SF3B1: variants seen among roughly 807,000 people sequenced by gnomAD.
SF3B1 encodes pre-mRNA processing 10.
Under a neutral mutation model 153.8 loss-of-function variants are expected in SF3B1, and 12 were observed. The ratio of observed to expected loss-of-function variants is 0.08; its 90% CI spans 0.05 to 0.13. SF3B1 has a LOEUF of 0.13. SF3B1 is among the 10% of genes least tolerant of loss of function. The pLI is 1.00. For missense variants in SF3B1, 513 were observed against 1,606.1 expected (o/e 0.32, Z 11.63); for synonymous variants, 498 against 525.2 (o/e 0.95, Z 0.71).
At chr2:197,421,154 A>G in intron 2 of SF3B1, 21 bp from the exon 3 acceptor site, 1 of 1,484,826 alleles carries the variant, frequency 6.7e-7, no homozygotes, top group Non-Finnish European at 9.4e-7. Context: ...AACCCCCCAA[A>G]AAGCCATAAA....
intron 1 of SF3B1, among the ~76,000 whole-genome samples, chr2:197,432,377 A>C (rs1365344318): frequency 2.0e-5 from 3 of 152,262 alleles, no homozygotes; most frequent in Non-Finnish European, 2.9e-5. Flanking sequence ...CAGTATCTGA[A>C]GAACTGCTGG....
At chr2:197,418,368 G>T in intron 5 of SF3B1, 141 bp downstream of exon 5, 1 of 556,150 alleles carries the variant, frequency 1.8e-6, no homozygotes, top group East Asian at 3.2e-5. Context: ...TATAATTTGG[G>T]GGTAAGATTC....
chr2:197,411,805 A>G (rs188578354), intron 6 of SF3B1, among the ~76,000 whole-genome samples: 194 of 152,152 alleles, frequency 1.3e-3, no homozygotes, highest in African/African-American at 4.6e-3. Context: ...CCTTAAAAAC[A>G]TACTACTCAG....
At position 197,423,214 on chromosome 2, in the gene SF3B1, CCA is replaced by C. The variant is rs553996278; in HGVS notation, c.195+592_195+593del. On this transcript the variant is annotated intron_variant, in intron 2 of 24. Transcript: ENST00000335508. Reference sequence around the variant, plus strand: ...CCAGCCTGGCCAACATGGCAAAACCCCATCTCTACTAAAAATACAAAAATTAG... The same window carrying C: ...CCAGCCTGGCCAACATGGCAAAACCCTCTCTACTAAAAATACAAAAATTAG... 6.6e-5 allele frequency among the ~76,000 whole-genome samples: 10 copies of C among 151,990 alleles called. No homozygotes were observed. The East Asian group carries it at 1.9e-3, about 30-fold the overall frequency.
At position 197,416,931 on chromosome 2, in the gene SF3B1, T is replaced by C; in HGVS notation, c.496-20A>G. 1 of 1,601,168 alleles carries C rather than the reference T, an allele frequency of 6.2e-7. No homozygotes were observed. Among genetic ancestry groups the C allele is most frequent in the Non-Finnish European group, 8.5e-7 (1 of 1,172,200 alleles). Reference sequence around the variant, plus strand: ...TTCTCGCTGAAAAAAACAGTGAGTATTTACCTTTAAAATGCTTTCAATGTA... The same window carrying C: ...TTCTCGCTGAAAAAAACAGTGAGTACTTACCTTTAAAATGCTTTCAATGTA... On this transcript the variant is annotated intron_variant, in intron 5 of 24. Transcript: ENST00000335508.
At position 197,398,597 on chromosome 2, in the gene SF3B1, CAAT is replaced by C. The variant is rs754120209; in HGVS notation, c.3014-19_3014-17del. On this transcript the variant is annotated splice_polypyrimidine_tract_variant and intron_variant, in intron 20 of 24. Transcript: ENST00000335508. ...TTATGCATACCTATTTAATAGAAGT[CAAT>C]AAACTATCAACATTTGAATTGCAAC... 10 of 1,607,206 alleles carry C rather than the reference CAAT, an allele frequency of 6.2e-6. No individual in the cohort carries two copies. The Admixed American group carries it at 1.7e-4, about 28-fold the overall frequency.
chr2:197,424,094 T>C (rs2085292114), intron 1 of SF3B1, 120 bp from the exon 2 acceptor site: 1 of 846,148 alleles, frequency 1.2e-6, no homozygotes, highest in African/African-American at 1.7e-5. Context: ...TGTACAATAA[T>C]TGCACCATAT....
rs370698394 is a variant in SF3B1 at position 197,400,221 on chromosome 2, G to C, written c.2901+31C>G. 4 of 1,610,886 alleles carry C rather than the reference G, an allele frequency of 2.5e-6. No homozygotes were observed. The East Asian group carries it at 8.9e-5, about 36-fold the overall frequency. On this transcript the variant is annotated intron_variant, in intron 19 of 24. Transcript: ENST00000335508. This position sits in a 1 kb window ranked among gnomAD's most constrained non-coding sequence, Gnocchi z 5.0. ...TACTATTTACATTAAACTATTTGGGGAAGAAGTAAGAATTTGATGCAAAAG... is the reference window on the plus strand; with the variant it reads ...TACTATTTACATTAAACTATTTGGGCAAGAAGTAAGAATTTGATGCAAAAG...
At chr2:197,405,248 T>C in intron 10 of SF3B1, 27 bp downstream of exon 10, 2 of 1,596,476 alleles carry the variant, frequency 1.3e-6, no homozygotes, top group African/African-American at 1.3e-5. Flanking sequence ...ACACAATTAA[T>C]AGTTTATTTC....
chr2:197,400,672 AAT>A lies in SF3B1; in HGVS notation c.2718+41_2718+42del, dbSNP rs2084929334. The A allele has an allele frequency of 7.1e-7, 1 of 1,404,420 alleles. No homozygotes were observed. Among genetic ancestry groups the A allele is most frequent in the South Asian group, 1.2e-5 (1 of 80,636 alleles). The allele number at this position is 1,404,420 out of a possible 1,614,324, so 87.0% of individuals were successfully genotyped here. On this transcript the variant is annotated intron_variant, in intron 18 of 24. Transcript: ENST00000335508. This position sits in a 1 kb window ranked among gnomAD's most constrained non-coding sequence, Gnocchi z 5.0. ...TTGACAACTAATATGCTTTTCTACA[AAT>A]ATTAAAGTTAGTAGCAATGTGCCAT...
chr2:197,407,529 T>C (rs2085010104), intron 9 of SF3B1, among the ~76,000 whole-genome samples: 1 of 149,938 alleles, frequency 6.7e-6, no homozygotes, highest in South Asian at 2.1e-4. Context: ...CGCTTAAACC[T>C]GGGAGGCGGA....
intron 1 of SF3B1, among the ~76,000 whole-genome samples, chr2:197,424,317 T>C (rs1024295566): frequency 3.3e-5 from 5 of 152,010 alleles, no homozygotes; most frequent in Admixed American, 6.6e-5. Flanking sequence ...GGCCAACATA[T>C]AGCGAAACCC....
intron 6 of SF3B1, among the ~76,000 whole-genome samples, chr2:197,416,340 T>C (rs147260230): frequency 6.6e-6 from 1 of 152,278 alleles, no homozygotes; most frequent in East Asian, 1.9e-4. Flanking sequence ...ATGGACTAAA[T>C]TGCATGCCCC....
rs2105980131 is a variant in SF3B1 at position 197,398,845 on chromosome 2, C to A, written c.3014-264G>T. The A allele has an allele frequency of 8.3e-6, 4 of 484,750 alleles. No homozygotes were observed. In the East Asian group the frequency reaches 1.9e-4, roughly 23 times the overall value. 30.0% of individuals were successfully genotyped at this position (484,750 alleles called of 1,614,324 possible). A position where few individuals can be genotyped will look rare whatever the true frequency, so the allele number is the denominator to read the frequency against. ...AATAACAAAAAAGTTTTGTTTGATT[C>A]TGAAATATATTTGTGCACTGACATT... On this transcript the variant is annotated intron_variant, in intron 20 of 24. Transcript: ENST00000335508.
At chr2:197,411,253 C>T (rs1415488279) in intron 6 of SF3B1, among the ~76,000 whole-genome samples, 1 of 152,084 alleles carries the variant, frequency 6.6e-6, no homozygotes, top group African/African-American at 2.4e-5. Flanking sequence ...AGAATCTCCA[C>T]CAATAAAGAT....
In SF3B1 at chr2:197,423,877, T is replaced by C. The variant is rs2085287976; in HGVS notation, c.126A>G (p.Glu42=). The part of the protein sequence containing the change: ...GLDSTGYYDQ[E]IYGGSDSRFA... ...ATCTGCTGTCACTTCCACCATAAATTTCCTGGTCATAATAACCTGTAGAAT... is the reference window on the plus strand; with the variant it reads ...ATCTGCTGTCACTTCCACCATAAATCTCCTGGTCATAATAACCTGTAGAAT... Residue 42 remains glutamate (E), a synonymous_variant, in exon 2 of 25, where the codon GAA becomes GAG. Coordinates refer to ENST00000335508, the MANE Select transcript of SF3B1 (RefSeq NM_012433.4). The C allele has an allele frequency of 6.2e-7, 1 of 1,613,466 alleles. No homozygotes were observed. The highest frequency in any genetic ancestry group is 8.5e-7 in the Non-Finnish European group (1 of 1,179,914).
At chr2:197,410,501 A>ATTTTTT (rs573287348) in intron 6 of SF3B1, among the ~76,000 whole-genome samples, 8 of 107,940 alleles carry the variant, frequency 7.4e-5, no homozygotes, top group Non-Finnish European at 1.1e-4. Context: ...CACCTATGTA[A>ATTTTTT]TTTTTTTTTT....
At chr2:197,395,718 T>C (rs2084868237) in intron 23 of SF3B1, among the ~76,000 whole-genome samples, 1 of 152,254 alleles carries the variant, frequency 6.6e-6, no homozygotes, top group Non-Finnish European at 1.5e-5. Context: ...ATCAGGTCTC[T>C]GCCCATTAGC....
chr2:197,426,317 C>T (rs1415947589), intron 1 of SF3B1, among the ~76,000 whole-genome samples: 1 of 151,800 alleles, frequency 6.6e-6, no homozygotes, highest in Admixed American at 6.6e-5. Context: ...TTTTTTGAGG[C>T]GGAGTTTTGC....
Sources: allele counts gnomAD v4.1 joint callset (sites outside exome capture counted in the v4.1 genomes callset), GRCh38; gene constraint gnomAD v4.1.1; non-coding constraint Gnocchi (gnomAD v3.1); transcripts MANE v1.5; gene names NCBI Gene and HGNC (gene_info 2026-07-23, HGNC 2026-07-21).